The following LRRC27 variants were observed in gnomAD, a reference collection of about 807,000 sequenced individuals.
LRRC27 encodes the protein leucine rich repeat containing 27.
A neutral mutation model predicts 55.0 loss-of-function variants in LRRC27; 57 were observed. The observed-to-expected ratio is 1.04, with a 90% CI of 0.84 to 1.29. The LOEUF (loss-of-function observed/expected upper bound fraction) is 1.29. Among genes scored for constraint, LRRC27 ranks in the 50% most tolerant of loss-of-function variants. The pLI, the probability that LRRC27 is intolerant of heterozygous loss-of-function variation, is 0.00. For synonymous variants in LRRC27, 278 were observed against 251.9 expected, an observed-to-expected ratio of 1.10 and a Z score of -0.98; for missense variants, 721 against 651.5, an observed-to-expected ratio of 1.11 and a Z score of -1.16.
chr10:132,349,106 CTG>C (rs763108954), intron 6 of LRRC27: 38 of 1,273,228 alleles, frequency 3.0e-5, no homozygotes, highest in Admixed American at 3.8e-5. Flanking sequence ...GTGTGTGTGC[CTG>C]TGTGTGTGTA....
chr10:132,341,268 G>C, intron 3 of LRRC27, among the ~76,000 whole-genome samples: 1 of 145,832 alleles, frequency 6.9e-6, no homozygotes, highest in East Asian at 1.9e-4. Flanking sequence ...TACCTGCGGG[G>C]ACTGAGGCGG....
chr10:132,332,331 G>C (rs7071002), intron 1 of LRRC27, 75 bp downstream of exon 1: 59,104 of 152,538 alleles, frequency 0.39, 11,680 homozygotes, highest in Middle Eastern at 0.42. Context: ...GCCTCGGCCC[G>C]TCGTGCCCTG....
intron 2 of LRRC27, among the ~76,000 whole-genome samples, chr10:132,335,451 C>A (rs1199536976): frequency 6.6e-6 from 1 of 151,098 alleles, no homozygotes; most frequent in Non-Finnish European, 1.5e-5. Context: ...GTTCCTCCCC[C>A]AGATCCTCAG....
intron 8 of LRRC27, among the ~76,000 whole-genome samples, chr10:132,356,697 T>G (rs1253179822): frequency 6.6e-6 from 1 of 152,252 alleles, no homozygotes; most frequent in Non-Finnish European, 1.5e-5. Flanking sequence ...TTCCCCAGAC[T>G]GTATGAGGGT....
upstream of LRRC27, chr10:132,331,789 G>T (rs12784130): frequency 0.37 from 600,079 of 1,604,620 alleles, 114,392 homozygotes; most frequent in Non-Finnish European, 0.39. Context: ...CCAGACCCTC[G>T]CGGTCTCTAC....
intron 10 of LRRC27, among the ~76,000 whole-genome samples, chr10:132,370,589 G>T (rs1435161188): frequency 6.6e-6 from 1 of 152,184 alleles, no homozygotes; most frequent in Non-Finnish European, 1.5e-5. Flanking sequence ...CCTCTGTCCC[G>T]CTGCCTCTCA....
At chr10:132,365,342 C>G in intron 9 of LRRC27, 82 bp from the exon 10 acceptor site, 3 of 1,567,288 alleles carry the variant, frequency 1.9e-6, no homozygotes, top group Non-Finnish European at 2.6e-6. Flanking sequence ...AAGGCACATG[C>G]TTTCTCCCTG....
rs1411111134 is a variant in LRRC27, at chr10:132,376,328, G to A, written c.*1086G>A. ...CTTCGTACTTTCCGAGAGTTTAACT[G>A]GTGCTTAGAGAGAAATGCATCACTT... On this transcript the variant is annotated 3_prime_UTR_variant, in exon 11 of 11. Transcript: ENST00000368614. The A allele has an allele frequency of 6.6e-6, 1 of 152,210 alleles. No homozygotes were observed. Among genetic ancestry groups the A allele is most frequent in the Non-Finnish European group, 1.5e-5 (1 of 68,040 alleles). 9.4% of individuals were successfully genotyped at this position (152,210 alleles called of 1,614,324 possible).
At chr10:132,338,947 T>C (rs1265810047) in intron 3 of LRRC27, among the ~76,000 whole-genome samples, 1 of 152,150 alleles carries the variant, frequency 6.6e-6, no homozygotes, top group Non-Finnish European at 1.5e-5. Flanking sequence ...TGACCTCAAG[T>C]GATCTGCCTG....
chr10:132,373,007 G>A (rs1417143039), intron 10 of LRRC27, among the ~76,000 whole-genome samples: 1 of 152,076 alleles, frequency 6.6e-6, no homozygotes, highest in Admixed American at 6.5e-5. Context: ...AGCGAGCTTC[G>A]AATGGATGCG....
chr10:132,331,765 G>C (rs750116656), upstream of LRRC27: 3 of 1,609,974 alleles, frequency 1.9e-6, no homozygotes, highest in African/African-American at 4.0e-5. Flanking sequence ...CTCTGTGCCA[G>C]GCCGGTCGCC....
At chr10:132,365,738 A>G (rs1227745920) in intron 10 of LRRC27, among the ~76,000 whole-genome samples, 188 bp downstream of exon 10, 1 of 152,138 alleles carries the variant, frequency 6.6e-6, no homozygotes, top group Non-Finnish European at 1.5e-5. Context: ...AGTAGCTGGG[A>G]CAAGTGTACA....
Position 132,337,500 on chromosome 10 carries a change from G to T in LRRC27, c.211-65G>T. Reference sequence around the variant, plus strand: ...GTAGTTCTTTTGGAAATAGATTTTGGATATATCATGTTTTACAAATTAGTT... The same window carrying T: ...GTAGTTCTTTTGGAAATAGATTTTGTATATATCATGTTTTACAAATTAGTT... On this transcript the variant is annotated intron_variant, in intron 2 of 10. Coordinates refer to ENST00000368614, the MANE Select transcript of LRRC27 (RefSeq NM_030626.3). The T allele has an allele frequency of 3.1e-6, 5 of 1,589,858 alleles. No individual in the cohort carries two copies. The South Asian group carries it at 5.6e-5, about 18-fold the overall frequency.
intron 7 of LRRC27, chr10:132,353,264 G>A (rs934020049): frequency 2.5e-5 from 32 of 1,260,202 alleles, no homozygotes; most frequent in Non-Finnish European, 3.2e-5. Flanking sequence ...CTCCTTCTGG[G>A]TTCCGACAAT....
At chr10:132,331,398 T>A (rs753420418), upstream of LRRC27, 6 of 1,571,010 alleles carry the variant, frequency 3.8e-6, no homozygotes, top group East Asian at 1.4e-4. Flanking sequence ...CATTTCATCT[T>A]CTTCCAAATT....
At chr10:132,339,080 C>A (rs893253116) in intron 3 of LRRC27, among the ~76,000 whole-genome samples, 3 of 152,166 alleles carry the variant, frequency 2.0e-5, no homozygotes, top group South Asian at 4.1e-4. Flanking sequence ...GCAGCCCATG[C>A]AGGAGGGGCA....
intron 9 of LRRC27, among the ~76,000 whole-genome samples, chr10:132,363,565 C>T (rs1251715700): frequency 6.6e-6 from 1 of 152,202 alleles, no homozygotes; most frequent in Non-Finnish European, 1.5e-5. Context: ...CCACTGGAGA[C>T]CCCAGGGCAT....
rs1388825771 is a variant in LRRC27, at chr10:132,380,617, C to T, written c.*5375C>T. Among the ~76,000 whole-genome samples the T allele has an allele frequency of 6.6e-6, 1 of 152,156 alleles. No homozygotes were observed. The highest frequency in any genetic ancestry group is 1.5e-5 in the Non-Finnish European group (1 of 68,034). Reference sequence around the variant, plus strand: ...GAGGCTGCAGTGAGCTGTGATTGCACCACTGCACTCAAGCCTGGGCAACAG... The same window carrying T: ...GAGGCTGCAGTGAGCTGTGATTGCATCACTGCACTCAAGCCTGGGCAACAG... On this transcript the variant is annotated 3_prime_UTR_variant, in exon 11 of 11. Transcript: ENST00000368614.
Position 132,348,185 on chromosome 10 carries a change from A to G in LRRC27, c.755A>G (p.Asn252Ser). 5 of 1,614,090 alleles carry G rather than the reference A, an allele frequency of 3.1e-6. No individual in the cohort carries two copies. Among genetic ancestry groups the G allele is most frequent in the Non-Finnish European group, 2.5e-6 (3 of 1,180,032 alleles). ...ELRKSADSSE[N>S]WPSEEEIRRF... ...AGGAAGTCTGCGGACTCCTCAGAGA[A>G]CTGGCCCAGCGAGGAGGAGATCAGG... The change falls in exon 6 of 11, where the codon AAC (asparagine) becomes AGC (serine). Residue 252 changes from asparagine (N) to serine (S), a missense_variant. Transcript: ENST00000368614. This position sits in a 1 kb window ranked among gnomAD's most constrained non-coding sequence, Gnocchi z 4.2.
Sources: allele counts gnomAD v4.1 joint callset (sites outside exome capture counted in the v4.1 genomes callset), GRCh38; gene constraint gnomAD v4.1.1; non-coding constraint Gnocchi (gnomAD v3.1); transcripts MANE v1.5; gene names NCBI Gene and HGNC (gene_info 2026-07-23, HGNC 2026-07-21).